Variants in DPP10 observed in about 807,000 individuals in gnomAD.
The protein encoded by DPP10 is inactive dipeptidyl peptidase 10.
DPP10 carries 33 observed loss-of-function variants against 120.9 expected under a neutral mutation model. That is an observed-to-expected ratio of 0.27 (90% confidence interval 0.21 to 0.37). The LOEUF is 0.37. Ranked by LOEUF, DPP10 falls within the 10% of genes least tolerant of loss-of-function variation. The pLI is 1.00. For synonymous variants in DPP10, 337 were observed against 326.1 expected, an observed-to-expected ratio of 1.03 and a Z score of -0.36; for missense variants, 816 against 942.8, an observed-to-expected ratio of 0.87 and a Z score of 1.76.
chr2:114,741,854 C>A (rs866199848), intron 1 of DPP10, among the ~76,000 whole-genome samples: 1 of 152,146 alleles, frequency 6.6e-6, no homozygotes, highest in Admixed American at 6.5e-5. Flanking sequence ...TTTCTGGAGA[C>A]TTCAGAGAGA....
At chr2:115,493,165 A>T (rs2076213994) in intron 3 of DPP10, among the ~76,000 whole-genome samples, 2 of 152,022 alleles carry the variant, frequency 1.3e-5, no homozygotes, top group Non-Finnish European at 2.9e-5. Context: ...TATTGTGTTG[A>T]ATTGATTGGG....
intron 1 of DPP10, among the ~76,000 whole-genome samples, chr2:115,262,665 C>G: frequency 6.6e-6 from 1 of 151,950 alleles, no homozygotes; most frequent in East Asian, 1.9e-4. Flanking sequence ...ATAAGGTAAC[C>G]TTTATATTCA....
chr2:114,753,645 C>T (rs958830072), intron 1 of DPP10, among the ~76,000 whole-genome samples: 2 of 152,052 alleles, frequency 1.3e-5, no homozygotes, highest in African/African-American at 4.8e-5. Flanking sequence ...CGCGGTGGCT[C>T]ACGCCTGTAA....
chr2:115,116,331 T>C (rs1189815608), intron 1 of DPP10, among the ~76,000 whole-genome samples: 1 of 152,208 alleles, frequency 6.6e-6, no homozygotes, highest in Admixed American at 6.5e-5. Context: ...CAGAAGTCTA[T>C]TGAAAACGCT....
chr2:114,708,965 A>T (rs932621179), intron 1 of DPP10, among the ~76,000 whole-genome samples: 3 of 152,190 alleles, frequency 2.0e-5, no homozygotes, highest in Non-Finnish European at 4.4e-5. Flanking sequence ...TATGTAAACC[A>T]GGCTGATCTC....
chr2:114,446,021 TA>T (rs945664636), intron 1 of DPP10, among the ~76,000 whole-genome samples: 3 of 152,192 alleles, frequency 2.0e-5, no homozygotes, highest in Non-Finnish European at 4.4e-5. Flanking sequence ...AACATTCTTT[TA>T]AAAAAAATCT....
intron 1 of DPP10, among the ~76,000 whole-genome samples, chr2:115,205,176 T>C (rs551239279): frequency 6.6e-6 from 1 of 152,318 alleles, no homozygotes; most frequent in Admixed American, 6.5e-5. Context: ...AAGGCCAATG[T>C]CCAGAAGGGT....
intron 2 of DPP10, among the ~76,000 whole-genome samples, chr2:115,335,309 A>T (rs896586501): frequency 6.6e-6 from 1 of 152,004 alleles, no homozygotes; most frequent in Non-Finnish European, 1.5e-5. Flanking sequence ...AACCATATTA[A>T]CTACTATACA....
chr2:114,985,225 T>G (rs998044944), intron 1 of DPP10, among the ~76,000 whole-genome samples: 3 of 152,170 alleles, frequency 2.0e-5, no homozygotes, highest in South Asian at 2.1e-4. Flanking sequence ...TGTACTTTTT[T>G]TTTCCTTCTG....
At chr2:114,492,209 T>C (rs932306906) in intron 1 of DPP10, among the ~76,000 whole-genome samples, 1 of 152,154 alleles carries the variant, frequency 6.6e-6, no homozygotes, top group Non-Finnish European at 1.5e-5. Context: ...CGAGCGACTC[T>C]TTTTTAGTAG....
intron 5 of DPP10, among the ~76,000 whole-genome samples, chr2:115,670,289 G>T (rs2089765261): frequency 6.6e-6 from 1 of 151,966 alleles, no homozygotes; most frequent in African/African-American, 2.4e-5. Flanking sequence ...ACAACATTTT[G>T]TCCACAGAAG....
intron 5 of DPP10, among the ~76,000 whole-genome samples, chr2:115,634,944 C>T (rs2086198081): frequency 6.6e-6 from 1 of 151,856 alleles, no homozygotes; most frequent in African/African-American, 2.4e-5. Flanking sequence ...GAGGGCTTGC[C>T]TAGGGAAATG....
chr2:114,792,795 A>T (rs967916439), intron 1 of DPP10, among the ~76,000 whole-genome samples: 1 of 152,176 alleles, frequency 6.6e-6, no homozygotes, highest in Non-Finnish European at 1.5e-5. Flanking sequence ...TTTCTGGAAC[A>T]ATTAAGTGTG....
chr2:115,530,966 C>T (rs2078427240), intron 5 of DPP10, among the ~76,000 whole-genome samples: 2 of 152,014 alleles, frequency 1.3e-5, no homozygotes, highest in Non-Finnish European at 2.9e-5. Context: ...AAAAGGGAAA[C>T]ATTAGAAATA....
At chr2:114,934,976 G>T (rs1326216527) in intron 1 of DPP10, among the ~76,000 whole-genome samples, 3 of 152,058 alleles carry the variant, frequency 2.0e-5, no homozygotes, top group Non-Finnish European at 4.4e-5. Context: ...CTCATTCATG[G>T]AAAAGATATT....
chr2:115,166,210 T>C (rs900494020), intron 1 of DPP10, among the ~76,000 whole-genome samples: 3 of 152,104 alleles, frequency 2.0e-5, no homozygotes, highest in Non-Finnish European at 4.4e-5. Flanking sequence ...CATGTGCCCT[T>C]TGCTAATATA....
intron 1 of DPP10, among the ~76,000 whole-genome samples, chr2:115,256,178 C>G (rs1213528352): frequency 1.3e-5 from 2 of 152,164 alleles, no homozygotes; most frequent in African/African-American, 4.8e-5. Context: ...GAAGGGGAAG[C>G]AAACACGTCT....
intron 1 of DPP10, among the ~76,000 whole-genome samples, chr2:115,191,502 G>A (rs1456654865): frequency 6.6e-6 from 1 of 152,224 alleles, no homozygotes; most frequent in Non-Finnish European, 1.5e-5. Context: ...CAGAATTGAC[G>A]TGGTTACGTT....
chr2:114,654,003 G>A (rs1696797647), intron 1 of DPP10, among the ~76,000 whole-genome samples: 1 of 152,064 alleles, frequency 6.6e-6, no homozygotes, highest in South Asian at 2.1e-4. Context: ...TCTTGTTGAT[G>A]TTATCAGTGT....
Sources: gnomAD v4.1 joint callset for allele counts (sites outside exome capture counted in the v4.1 genomes callset) on GRCh38, gnomAD v4.1.1 for gene constraint, MANE v1.5 for transcripts, NCBI Gene and HGNC (gene_info 2026-07-23, HGNC 2026-07-21) for gene names.